The following MACROD2 variants were observed in gnomAD, a reference collection of about 807,000 sequenced individuals.
The protein encoded by MACROD2 is mono-ADP ribosylhydrolase 2.
Under a neutral mutation model 70.4 loss-of-function variants are expected in MACROD2, and 36 were observed. The observed-to-expected ratio is 0.51, with a 90% CI of 0.39 to 0.68. The LOEUF is 0.68. MACROD2 is among the 30% of genes least tolerant of loss of function. The pLI, the probability that MACROD2 is intolerant of heterozygous loss-of-function variation, is 0.00. For synonymous variants in MACROD2, 172 were observed against 178.8 expected, an observed-to-expected ratio of 0.96 and a Z score of 0.30; for missense variants, 496 against 538.4, an observed-to-expected ratio of 0.92 and a Z score of 0.78.
At chr20:14,981,478 C>T (rs551369933) in intron 5 of MACROD2, among the ~76,000 whole-genome samples, 28 of 145,846 alleles carry the variant, frequency 1.9e-4, no homozygotes, top group African/African-American at 6.1e-4. Flanking sequence ...GTGTGTGTGT[C>T]GGTGTGTGCA....
intron 5 of MACROD2, among the ~76,000 whole-genome samples, chr20:15,095,861 T>TTGTGTGTGTGTGTGTG (rs11468899): frequency 1.3e-5 from 2 of 148,474 alleles, no homozygotes; most frequent in African/African-American, 5.0e-5. Flanking sequence ...ACCATGTTGT[T>TTGTGTGTGTGTGTGTG]TGTGTGTGTG....
intron 8 of MACROD2, among the ~76,000 whole-genome samples, chr20:15,541,281 A>G (rs2047952229): frequency 1.3e-5 from 2 of 152,232 alleles, no homozygotes; most frequent in Non-Finnish European, 2.9e-5. Context: ...ACTGCCTACT[A>G]TAATCTCTTT....
intron 8 of MACROD2, among the ~76,000 whole-genome samples, chr20:15,504,950 T>C (rs1403266563): frequency 1.3e-5 from 2 of 152,200 alleles, no homozygotes; most frequent in Non-Finnish European, 2.9e-5. Context: ...TATAATTCTT[T>C]GCGGAATAGG....
At chr20:15,358,008 C>T (rs2078308633) in intron 6 of MACROD2, among the ~76,000 whole-genome samples, 1 of 151,872 alleles carries the variant, frequency 6.6e-6, no homozygotes, top group Admixed American at 6.6e-5. Flanking sequence ...CGGGGTTTCA[C>T]CGTGTTAGCC....
chr20:14,840,030 T>A (rs1050165800), intron 5 of MACROD2, among the ~76,000 whole-genome samples: 11 of 117,008 alleles, frequency 9.4e-5, no homozygotes, highest in Non-Finnish European at 2.0e-4. Flanking sequence ...AGAGTCTCCA[T>A]GTCTTTTTTT....
chr20:15,834,011 C>T (rs935431707), intron 8 of MACROD2, among the ~76,000 whole-genome samples: 1 of 152,114 alleles, frequency 6.6e-6, no homozygotes, highest in Non-Finnish European at 1.5e-5. Flanking sequence ...CTTCAGGCCC[C>T]TCAATTAAAA....
At chr20:14,788,301 G>A (rs1294068313) in intron 5 of MACROD2, among the ~76,000 whole-genome samples, 1 of 152,012 alleles carries the variant, frequency 6.6e-6, no homozygotes, top group Non-Finnish European at 1.5e-5. Context: ...AAGAAGGACT[G>A]TGGCCCGGTG....
At chr20:14,685,165 T>A in intron 5 of MACROD2, 1 of 216,312 alleles carries the variant, frequency 4.6e-6, no homozygotes, top group Non-Finnish European at 8.9e-6. Context: ...ACTGTGTATA[T>A]TATATATATA....
chr20:14,676,364 G>A (rs1045778804), intron 4 of MACROD2, among the ~76,000 whole-genome samples: 8 of 152,122 alleles, frequency 5.3e-5, no homozygotes, highest in Non-Finnish European at 8.8e-5. Flanking sequence ...ATAACAAACT[G>A]TCTCTCAGAC....
chr20:15,730,385 G>A (rs1201180534), intron 8 of MACROD2, among the ~76,000 whole-genome samples: 2 of 152,160 alleles, frequency 1.3e-5, no homozygotes, highest in Admixed American at 6.5e-5. Context: ...TGTAAGGTGG[G>A]TCTAGTGGTA....
intron 5 of MACROD2, chr20:14,849,866 C>T (rs1003830932): frequency 6.6e-6 from 3 of 456,460 alleles, no homozygotes; most frequent in African/African-American, 6.0e-5. Flanking sequence ...TAAAAATAGG[C>T]TCCTAACCCT....
intron 6 of MACROD2, among the ~76,000 whole-genome samples, chr20:15,384,178 A>G (rs1477646107): frequency 2.0e-5 from 3 of 152,206 alleles, no homozygotes. Context: ...CCCATAGTGC[A>G]TAGCCTTCAG....
intron 5 of MACROD2, among the ~76,000 whole-genome samples, chr20:15,161,469 C>T (rs893932127): frequency 1.8e-4 from 27 of 151,660 alleles, no homozygotes; most frequent in African/African-American, 4.4e-4. Flanking sequence ...TTAAAATCTT[C>T]GTGTGTTTCT....
chr20:14,083,145 G>GT (rs368063062), intron 2 of MACROD2, among the ~76,000 whole-genome samples: 28 of 145,518 alleles, frequency 1.9e-4, no homozygotes, highest in African/African-American at 6.6e-4. Context: ...AAAAAAGGTA[G>GT]TTTTGGCCAG....
intron 5 of MACROD2, among the ~76,000 whole-genome samples, chr20:15,015,208 G>T: frequency 1.3e-5 from 2 of 151,886 alleles, no homozygotes; most frequent in Middle Eastern, 3.4e-3. Flanking sequence ...TTTCATTCTA[G>T]TTTTTTTGTT....
chr20:14,608,884 C>A (rs1397508281), intron 4 of MACROD2, among the ~76,000 whole-genome samples: 1 of 152,068 alleles, frequency 6.6e-6, no homozygotes, highest in Non-Finnish European at 1.5e-5. Context: ...AGAGACAGAT[C>A]TAAGGGATGT....
intron 5 of MACROD2, among the ~76,000 whole-genome samples, chr20:15,042,384 GT>G: frequency 6.6e-6 from 1 of 152,232 alleles, no homozygotes; most frequent in African/African-American, 2.4e-5. Context: ...GTTCTCATCT[GT>G]GTAATGCTCA....
At position 15,413,815 on chromosome 20, in the gene MACROD2, A is replaced by G. The variant is rs542187161; in HGVS notation, c.541-17590A>G. Among the ~76,000 whole-genome samples, 33 of 152,316 alleles carry G rather than the reference A, an allele frequency of 2.2e-4. No individual in the cohort carries two copies. The South Asian group carries it at 3.7e-3, about 17-fold the overall frequency. The stretch of plus-strand genomic sequence containing the variant: ...AGGTAGTTCTCAGAAATCACTCTAT[A>G]CAGCTCTCAACCTAAGAAGAGCCAT... On this transcript the variant is annotated intron_variant, in intron 6 of 17. Coordinates refer to ENST00000684519, the MANE Select transcript of MACROD2 (RefSeq NM_001351661.2).
At chr20:15,216,098 CAGTT>C (rs1369825228) in intron 5 of MACROD2, among the ~76,000 whole-genome samples, 5 of 151,936 alleles carry the variant, frequency 3.3e-5, no homozygotes, top group African/African-American at 7.2e-5. Context: ...GTATAAAAAA[CAGTT>C]AGAAAGAATG....
Sources: gnomAD v4.1 joint callset for allele counts (sites outside exome capture counted in the v4.1 genomes callset) on GRCh38, gnomAD v4.1.1 for gene constraint, MANE v1.5 for transcripts, NCBI Gene and HGNC (gene_info 2026-07-23, HGNC 2026-07-21) for gene names.